ARFGAP3: variants seen among roughly 807,000 people sequenced by gnomAD.
The protein encoded by ARFGAP3 is ADP-ribosylation factor GTPase-activating protein 3.
A neutral mutation model predicts 75.0 loss-of-function variants in ARFGAP3; 72 were observed. The observed-to-expected ratio is 0.96, with a 90% CI of 0.79 to 1.17. The LOEUF (loss-of-function observed/expected upper bound fraction) is 1.17, where lower values mean the gene tolerates loss of function less well. Among genes scored for constraint, ARFGAP3 ranks in the 50% most tolerant of loss-of-function variants. The pLI is 0.00. For synonymous variants in ARFGAP3, 221 were observed against 217.9 expected (o/e 1.01, Z -0.13); for missense variants, 620 against 626.6 (o/e 0.99, Z 0.11).
intron 13 of ARFGAP3, among the ~76,000 whole-genome samples, chr22:42,808,092 T>G (rs1044492319): frequency 6.6e-6 from 1 of 151,856 alleles, no homozygotes; most frequent in Non-Finnish European, 1.5e-5. Flanking sequence ...AAAATAAATA[T>G]ATGCACTCCT....
At chr22:42,845,376 T>C (rs1295369526) in intron 2 of ARFGAP3, among the ~76,000 whole-genome samples, 1 of 151,808 alleles carries the variant, frequency 6.6e-6, no homozygotes, top group African/African-American at 2.4e-5. Context: ...AGTACAAAAC[T>C]TAGATGGACG....
At chr22:42,823,525 C>A in intron 8 of ARFGAP3, 131 bp downstream of exon 8, 1 of 612,564 alleles carries the variant, frequency 1.6e-6, no homozygotes, top group Non-Finnish European at 2.8e-6. Flanking sequence ...TTGAACAAAA[C>A]ATAGACTCCT....
chr22:42,828,871 G>A (rs1926162125), intron 6 of ARFGAP3, among the ~76,000 whole-genome samples: 1 of 151,976 alleles, frequency 6.6e-6, no homozygotes, highest in Non-Finnish European at 1.5e-5. Flanking sequence ...TTTTAGTAGA[G>A]ATAGGGTCCT....
chr22:42,852,619 C>A (rs550822925), intron 1 of ARFGAP3, among the ~76,000 whole-genome samples: 53 of 152,168 alleles, frequency 3.5e-4, no homozygotes, highest in Admixed American at 7.9e-4. Flanking sequence ...CCTTGGCCTC[C>A]CAAAGTGCTA....
intron 2 of ARFGAP3, among the ~76,000 whole-genome samples, chr22:42,846,670 G>A (rs1254280112): frequency 6.6e-6 from 1 of 152,230 alleles, no homozygotes; most frequent in African/African-American, 2.4e-5. Flanking sequence ...TTGGAAGCCA[G>A]AGCTATAAGA....
chr22:42,838,833 G>C (rs963015037), intron 3 of ARFGAP3, among the ~76,000 whole-genome samples: 1 of 152,010 alleles, frequency 6.6e-6, no homozygotes, highest in Non-Finnish European at 1.5e-5. Context: ...TAATTAGGCC[G>C]GGCGCGGTGG....
At chr22:42,801,352 A>G (rs1037319058) in intron 14 of ARFGAP3, among the ~76,000 whole-genome samples, 2 of 152,164 alleles carry the variant, frequency 1.3e-5, no homozygotes, top group Non-Finnish European at 2.9e-5. Context: ...GGTTGGGGCA[A>G]ATGCCCTGGA....
chr22:42,851,159 G>T (rs574529853), intron 1 of ARFGAP3, among the ~76,000 whole-genome samples: 1 of 152,224 alleles, frequency 6.6e-6, no homozygotes, highest in Non-Finnish European at 1.5e-5. Flanking sequence ...ACATACCAGC[G>T]TGGTTCAGGA....
intron 9 of ARFGAP3, among the ~76,000 whole-genome samples, chr22:42,819,979 A>G (rs1453196293): frequency 6.6e-6 from 1 of 152,158 alleles, no homozygotes; most frequent in African/African-American, 2.4e-5. Context: ...GTGATGTATT[A>G]AACACTCCTA....
intron 1 of ARFGAP3, among the ~76,000 whole-genome samples, chr22:42,851,889 G>A (rs549110654): frequency 1.3e-5 from 2 of 152,246 alleles, no homozygotes; most frequent in South Asian, 4.1e-4. Flanking sequence ...TGGCACTTTA[G>A]CCAATTTCAT....
In ARFGAP3 at chr22:42,817,750, A is replaced by T. The variant is rs895080982; in HGVS notation, c.920T>A (p.Met307Lys). 3.1e-6 allele frequency: 5 copies of T among 1,612,846 alleles called. No individual in the cohort carries two copies. The highest frequency in any genetic ancestry group is 4.2e-6 in the Non-Finnish European group (5 of 1,179,578). Residue 307 changes from methionine to lysine, a missense_variant, in exon 10 of 16, where the codon ATG (methionine) becomes AAG (lysine). By Grantham distance (95) the Met-to-Lys change is moderately conservative. Transcript: ENST00000263245. ...KKNVDSDRLGMGFGNCRSVIS... is the reference protein window; with the variant it reads ...KKNVDSDRLGKGFGNCRSVIS... Reference sequence around the variant, plus strand: ...ATACCTTCTGCAATTTCCAAATCCCATGCCGAGTCTGTCTGAGTCAACATT... The same window carrying T: ...ATACCTTCTGCAATTTCCAAATCCCTTGCCGAGTCTGTCTGAGTCAACATT...
intron 9 of ARFGAP3, among the ~76,000 whole-genome samples, chr22:42,821,843 T>C (rs1302108146): frequency 1.3e-5 from 2 of 152,208 alleles, no homozygotes; most frequent in African/African-American, 4.8e-5. Context: ...CCATTTCACA[T>C]TGCCATCAGC....
chr22:42,844,261 T>C (rs189892110), intron 2 of ARFGAP3, among the ~76,000 whole-genome samples: 6 of 152,022 alleles, frequency 3.9e-5, no homozygotes, highest in Non-Finnish European at 8.8e-5. Flanking sequence ...TGAAGTGAAG[T>C]GGTGAGATCA....
chr22:42,834,639 T>C (rs545315622), intron 4 of ARFGAP3, among the ~76,000 whole-genome samples: 21 of 152,340 alleles, frequency 1.4e-4, no homozygotes, highest in African/African-American at 4.1e-4. Flanking sequence ...ATGGATTCCA[T>C]ATTTATGAAT....
At chr22:42,802,657 A>G (rs1200660083) in intron 14 of ARFGAP3, among the ~76,000 whole-genome samples, 1 of 138,922 alleles carries the variant, frequency 7.2e-6, no homozygotes, top group Non-Finnish European at 1.5e-5. Context: ...GCTGGAGTGC[A>G]GTGGTGCGAT....
intron 12 of ARFGAP3, 93 bp downstream of exon 12, chr22:42,810,720 C>CT: frequency 8.8e-7 from 1 of 1,137,728 alleles, no homozygotes; most frequent in Non-Finnish European, 1.3e-6. Flanking sequence ...TGCCCAGCCC[C>CT]TTACAAGGGT....
In ARFGAP3 at chr22:42,857,250, C is replaced by A; in HGVS notation, c.-68G>T. The A allele has an allele frequency of 6.7e-7, 1 of 1,482,632 alleles. No individual in the cohort carries two copies. The highest frequency in any genetic ancestry group is 9.0e-7 in the Non-Finnish European group (1 of 1,111,280). The allele number at this position is 1,482,632 out of a possible 1,614,324, so 91.8% of individuals were successfully genotyped here. A position where few individuals can be genotyped will look rare whatever the true frequency, so the allele number is the denominator to read the frequency against. On this transcript the variant is annotated 5_prime_UTR_variant, in exon 1 of 16. Transcript: ENST00000263245. ...AAGAGTCGACGAAAAGCGGCTACCG[C>A]CTCAGCAGGAGCGACGAGGCCGCGG... is the stretch of plus-strand genomic sequence containing the variant.
Position 42,845,525 on chromosome 22 carries a change from C to CAAA in ARFGAP3, c.188+1986_188+1988dup, listed in dbSNP as rs34483025. On this transcript the variant is annotated intron_variant, in intron 2 of 15. Coordinates refer to ENST00000263245, the MANE Select transcript of ARFGAP3 (RefSeq NM_014570.5). ...TGGGTGACAAAGCAAGACTCCATCT[C>CAAA]AAAAAAAAAAAAAAACCCAAAACAA... 1.3e-3 allele frequency among the ~76,000 whole-genome samples: 146 copies of CAAA among 110,380 alleles called. 1 individual carries two copies. The highest frequency in any genetic ancestry group is 1.4e-3 in the Non-Finnish European group (78 of 55,066). 72.4% of individuals were successfully genotyped at this position (110,380 alleles called of 152,430 possible).
intron 2 of ARFGAP3, among the ~76,000 whole-genome samples, chr22:42,846,799 T>C (rs1418336888): frequency 6.6e-6 from 1 of 152,242 alleles, no homozygotes; most frequent in Admixed American, 6.5e-5. Context: ...CATGAGTCTG[T>C]ACTTTGTACT....
Sources: allele counts gnomAD v4.1 joint callset (sites outside exome capture counted in the v4.1 genomes callset), GRCh38; gene constraint gnomAD v4.1.1; transcripts MANE v1.5; gene names NCBI Gene and HGNC (gene_info 2026-07-23, HGNC 2026-07-21).